The following SLIT1 variants were observed in gnomAD, a reference collection of about 807,000 sequenced individuals.
SLIT1 encodes slit homolog 1 protein.
A neutral mutation model predicts 186.1 loss-of-function variants in SLIT1; 66 were observed. The observed-to-expected ratio is 0.35, with a 90% CI of 0.29 to 0.44. The LOEUF is 0.44. Among genes scored for constraint, SLIT1 ranks in the 20% least tolerant of loss-of-function variants. SLIT1 has a pLI of 1.00. For missense variants in SLIT1, 1,638 were observed against 2,037.4 expected (o/e 0.80, Z 3.77); for synonymous variants, 761 against 833.8 (o/e 0.91, Z 1.50).
chr10:97,052,639 G>A (rs761837329), intron 13 of SLIT1, among the ~76,000 whole-genome samples: 38 of 152,146 alleles, frequency 2.5e-4, no homozygotes, highest in Non-Finnish European at 4.3e-4. Context: ...CCTCAATAGA[G>A]CTGTTTCTTT....
intron 4 of SLIT1, among the ~76,000 whole-genome samples, chr10:97,070,407 A>G (rs953147605): frequency 1.3e-5 from 2 of 152,108 alleles, no homozygotes; most frequent in Admixed American, 1.3e-4. Flanking sequence ...CAGTTTCCTC[A>G]TTTGTCCAAT....
At chr10:97,182,428 A>C (rs1340963628) in intron 1 of SLIT1, among the ~76,000 whole-genome samples, 1 of 152,234 alleles carries the variant, frequency 6.6e-6, no homozygotes, top group African/African-American at 2.4e-5. Flanking sequence ...ACTCATATTG[A>C]TTAGAGAGAG....
chr10:97,077,830 G>T (rs1849059929), intron 4 of SLIT1, among the ~76,000 whole-genome samples: 1 of 152,156 alleles, frequency 6.6e-6, no homozygotes, highest in Non-Finnish European at 1.5e-5. Flanking sequence ...CTACAGTCTG[G>T]GCACAGTGGC....
intron 1 of SLIT1, among the ~76,000 whole-genome samples, chr10:97,176,410 T>G (rs1443106391): frequency 6.6e-6 from 1 of 151,636 alleles, no homozygotes; most frequent in South Asian, 2.1e-4. Flanking sequence ...ATTCCCACAT[T>G]CCCCAAGACC....
intron 1 of SLIT1, among the ~76,000 whole-genome samples, chr10:97,180,448 T>C (rs1029546308): frequency 2.6e-5 from 4 of 152,226 alleles, no homozygotes; most frequent in Admixed American, 6.5e-5. Flanking sequence ...CTTATTCTTA[T>C]ACTATGTCAT....
At chr10:97,091,949 A>C (rs905237925) in intron 4 of SLIT1, among the ~76,000 whole-genome samples, 5 of 152,218 alleles carry the variant, frequency 3.3e-5, no homozygotes, top group African/African-American at 1.2e-4. Context: ...CAATTCACAC[A>C]CTAGTAAAGG....
intron 4 of SLIT1, 84 bp downstream of exon 4, chr10:97,157,734 G>A: frequency 1.0e-6 from 1 of 1,004,794 alleles, no homozygotes; most frequent in Non-Finnish European, 1.6e-6. Context: ...GAATATCCAG[G>A]CCCCACTGAC....
chr10:97,073,367 G>A (rs1849017570), intron 4 of SLIT1, among the ~76,000 whole-genome samples: 1 of 152,200 alleles, frequency 6.6e-6, no homozygotes, highest in Non-Finnish European at 1.5e-5. Context: ...TGGCCAGGAT[G>A]TGTCTGGGCA....
rs147222698 is a variant in SLIT1 at position 97,060,340 on chromosome 10, C to T, written c.942-182G>A. Among the ~76,000 whole-genome samples, 558 of 152,324 alleles carry T rather than the reference C, an allele frequency of 3.7e-3. 5 individuals carry two copies. The highest frequency in any genetic ancestry group is 0.014 in the Middle Eastern group (4 of 294). Reference sequence around the variant, plus strand: ...GACAGACAGAGAAAATGCTGACTTGCGCTCCATTATCACAGGCATTTGTAG... The same window carrying T: ...GACAGACAGAGAAAATGCTGACTTGTGCTCCATTATCACAGGCATTTGTAG... On this transcript the variant is annotated intron_variant, in intron 9 of 36. Transcript: ENST00000266058.
chr10:97,182,008 T>C (rs1850345174), intron 1 of SLIT1, among the ~76,000 whole-genome samples: 1 of 152,250 alleles, frequency 6.6e-6, no homozygotes, highest in Non-Finnish European at 1.5e-5. Context: ...TGGCTGGGTC[T>C]CTCTGCGCCT....
chr10:97,107,062 G>C (rs1849421798), intron 4 of SLIT1, among the ~76,000 whole-genome samples: 1 of 152,256 alleles, frequency 6.6e-6, no homozygotes, highest in South Asian at 2.1e-4. Context: ...CACAATGCAA[G>C]AGGGAGCCTT....
At chr10:97,062,420 G>C (rs943935689) in intron 8 of SLIT1, among the ~76,000 whole-genome samples, 5 of 152,228 alleles carry the variant, frequency 3.3e-5, no homozygotes, top group African/African-American at 1.2e-4. Context: ...GGGTTTGGGA[G>C]AAACAGTCAG....
rs556573926 is a variant in SLIT1, at chr10:97,011,484, C to G, written c.3204-354G>C. On this transcript the variant is annotated intron_variant, in intron 30 of 36. Transcript: ENST00000266058. ...ACTGTCAGCCCCTTCCCCACCTCCC[C>G]AGCAGCTCAGCTGCACCCTCCCTGT... Among the ~76,000 whole-genome samples the G allele has an allele frequency of 3.9e-5, 6 of 152,242 alleles. No homozygotes were observed. The South Asian group carries it at 6.2e-4, about 16-fold the overall frequency.
chr10:97,051,811 C>A (rs1377557248), intron 13 of SLIT1, among the ~76,000 whole-genome samples: 492 of 123,838 alleles, frequency 4.0e-3, no homozygotes, highest in Non-Finnish European at 4.2e-3. Context: ...AACTCCATCT[C>A]AAAAAAAAAA....
chr10:97,001,118 G>T lies in SLIT1; in HGVS notation c.4599C>A (p.Cys1533Ter), dbSNP rs145540421. Residue 1533 changes from cysteine (C) to a stop codon, truncating the protein, a stop_gained, in exon 37 of 37, where the codon TGC becomes TGA. Transcript: ENST00000266058. LOFTEE classifies it high-confidence loss of function. ...EKPTKCGCAL[C>*]A ...GGCCTGTCCACGCCCAGCGCTATGC[G>T]CAGAGGGCACAGCCACACTTGGTGG... 4.3e-6 allele frequency: 7 copies of T among 1,612,086 alleles called. No individual in the cohort carries two copies. The highest frequency in any genetic ancestry group is 5.9e-6 in the Non-Finnish European group (7 of 1,179,346).
In SLIT1 at chr10:97,068,911, C is replaced by A. The variant is rs1374434011; in HGVS notation, c.414-2825G>T. Among the ~76,000 whole-genome samples the A allele has an allele frequency of 3.3e-5, 5 of 152,212 alleles. No homozygotes were observed. Among genetic ancestry groups the A allele is most frequent in the Admixed American group, 2.6e-4 (4 of 15,284 alleles). Reference sequence around the variant, plus strand: ...CCCCAGCCCCATATGTCTTGAGAGGCTCATTTCAGTCTTTGCCTGCCTAAT... The same window carrying A: ...CCCCAGCCCCATATGTCTTGAGAGGATCATTTCAGTCTTTGCCTGCCTAAT... On this transcript the variant is annotated intron_variant, in intron 4 of 36. Coordinates refer to ENST00000266058, the MANE Select transcript of SLIT1 (RefSeq NM_003061.3). The surrounding 1 kb of genome is among the most constrained non-coding windows in gnomAD (Gnocchi z 4.2).
Position 97,056,395 on chromosome 10 carries a change from C to G in SLIT1, c.1227G>C (p.Leu409=). The G allele has an allele frequency of 6.2e-7, 1 of 1,614,138 alleles. No homozygotes were observed. Among genetic ancestry groups the G allele is most frequent in the Admixed American group, 1.7e-5 (1 of 60,026 alleles). The change falls in exon 13 of 37, where the codon CTG becomes CTC. Residue 409 remains leucine (L), a synonymous_variant. Coordinates refer to ENST00000266058, the MANE Select transcript of SLIT1 (RefSeq NM_003061.3). ...DAFQDLQNLS[L]LSLYDNKIQS... The stretch of plus-strand genomic sequence containing the variant: ...GGATCTTGTTGTCATACAGGGAGAG[C>G]AGTGAGAGGTTCTGCAGGTCCTGGA...
chr10:97,170,255 T>G (rs1488860481), intron 1 of SLIT1, among the ~76,000 whole-genome samples: 1 of 152,260 alleles, frequency 6.6e-6, no homozygotes, highest in Non-Finnish European at 1.5e-5. Context: ...TTAGCTTTTC[T>G]GTGCCTCAGT....
In SLIT1 at chr10:97,077,460, G is replaced by A. The variant is rs919939922; in HGVS notation, c.414-11374C>T. Among the ~76,000 whole-genome samples, 7 of 152,192 alleles carry A rather than the reference G, an allele frequency of 4.6e-5. No individual in the cohort carries two copies. The South Asian group carries it at 1.2e-3, about 27-fold the overall frequency. ...CAGATGGCAGGGTCATCAGATCAGC[G>A]AGTTTCCCTAAAGGAAGTCTCAGGG... is the stretch of plus-strand genomic sequence containing the variant. On this transcript the variant is annotated intron_variant, in intron 4 of 36. Transcript: ENST00000266058.
Sources: gnomAD v4.1 joint callset for allele counts (sites outside exome capture counted in the v4.1 genomes callset) on GRCh38, gnomAD v4.1.1 for gene constraint, Gnocchi (gnomAD v3.1) non-coding constraint, MANE v1.5 for transcripts, NCBI Gene and HGNC (gene_info 2026-07-23, HGNC 2026-07-21) for gene names.